Variants in SLC6A7 observed in about 807,000 individuals in gnomAD.
SLC6A7 encodes sodium-dependent proline transporter.
SLC6A7 carries 58 observed loss-of-function variants against 73.1 expected under a neutral mutation model. That is an observed-to-expected ratio of 0.79 (90% CI 0.64 to 0.99). The LOEUF is 0.99. SLC6A7 is among the 50% of genes least tolerant of loss of function. The pLI is 0.00. For missense variants in SLC6A7, 783 were observed against 831.4 expected (o/e 0.94, Z 0.72); for synonymous variants, 338 against 338.7 (o/e 1.00, Z 0.02).
chr5:150,199,174 T>A, intron 4 of SLC6A7, 54 bp from the exon 5 acceptor site: 1 of 1,519,226 alleles, frequency 6.6e-7, no homozygotes, highest in East Asian at 2.3e-5. Flanking sequence ...TGACTCCATG[T>A]CTGTGGAGCC....
rs1753537168 is a variant in SLC6A7, at chr5:150,203,903, TCA to T, written c.1201-3_1201-2del. On this transcript the variant is annotated splice_acceptor_variant and splice_polypyrimidine_tract_variant and intron_variant, in intron 9 of 13. Transcript: ENST00000230671. LOFTEE classifies it high-confidence loss of function. ...CTGACCCCCAGCCCCTCCTCTCTCC[TCA>T]GTTTGCTTTTCTGGAGACCATTGTG... 3 of 1,606,152 alleles carry T rather than the reference TCA, an allele frequency of 1.9e-6. No homozygotes were observed. The African/African-American group carries it at 4.1e-5, about 22-fold the overall frequency.
At chr5:150,200,027 T>A (rs903252246) in intron 5 of SLC6A7, among the ~76,000 whole-genome samples, 18 of 152,162 alleles carry the variant, frequency 1.2e-4, no homozygotes, top group African/African-American at 3.6e-4. Context: ...GGAATGCTTT[T>A]CTTGGCTGGG....
intron 12 of SLC6A7, 69 bp downstream of exon 12, chr5:150,204,996 G>A (rs1200762196): frequency 1.0e-5 from 10 of 995,152 alleles, no homozygotes; most frequent in African/African-American, 4.8e-5. Flanking sequence ...CCCTCTGCAC[G>A]TTCAGTCTGG....
At chr5:150,207,918 T>C (rs4705428) in intron 13 of SLC6A7, among the ~76,000 whole-genome samples, 85,974 of 151,078 alleles carry the variant, frequency 0.57, 28,188 homozygotes, top group Non-Finnish European at 0.75. Flanking sequence ...CTGGAGACAT[T>C]GTTGGTTGTC....
chr5:150,191,071 C>T (rs1418552391), intron 1 of SLC6A7, among the ~76,000 whole-genome samples: 1 of 152,146 alleles, frequency 6.6e-6, no homozygotes, highest in Non-Finnish European at 1.5e-5. Context: ...AGGGGGAATA[C>T]TGGGGGACGT....
rs1753124906 is a variant in SLC6A7 at position 150,198,034 on chromosome 5, CT to C, written c.584+761del. On this transcript the variant is annotated intron_variant, in intron 4 of 13. Coordinates refer to ENST00000230671, the MANE Select transcript of SLC6A7 (RefSeq NM_014228.5). ...ACAAAGCCTTGTCACTGCATTCTGC[CT>C]TTAAAAGAAGAAAGAGAAAGAAAGA... is the stretch of plus-strand genomic sequence containing the variant. 2.3e-5 allele frequency among the ~76,000 whole-genome samples: 3 copies of C among 130,176 alleles called. No homozygotes were observed. The Admixed American group carries it at 2.5e-4, about 11-fold the overall frequency. The allele number at this position is 130,176 out of a possible 152,430, so 85.4% of individuals were successfully genotyped here.
intron 5 of SLC6A7, among the ~76,000 whole-genome samples, chr5:150,199,993 A>G (rs1212592825): frequency 6.6e-6 from 1 of 152,180 alleles, no homozygotes; most frequent in East Asian, 1.9e-4. Context: ...CCATCCCTAA[A>G]TTAATCCCTG....
At chr5:150,202,168 C>A (rs2240786) in intron 6 of SLC6A7, among the ~76,000 whole-genome samples, 179 bp from the exon 7 acceptor site, 1 of 152,098 alleles carries the variant, frequency 6.6e-6, no homozygotes, top group East Asian at 1.9e-4. Context: ...CATGTCCCAC[C>A]GTGTAAATGT....
At position 150,210,261 on chromosome 5, in the gene SLC6A7, G is replaced by A. The variant is rs936100443; in HGVS notation, c.*646G>A. On this transcript the variant is annotated 3_prime_UTR_variant, in exon 14 of 14. Coordinates refer to ENST00000230671, the MANE Select transcript of SLC6A7 (RefSeq NM_014228.5). Reference sequence around the variant, plus strand: ...GAGAGAGGAAGAAGAGGGCAGGGTGGGGAGGAGCTCTGGGCCAGAGGATGC... The same window carrying A: ...GAGAGAGGAAGAAGAGGGCAGGGTGAGGAGGAGCTCTGGGCCAGAGGATGC... The A allele has an allele frequency of 7.3e-4, 117 of 159,914 alleles. No individual in the cohort carries two copies. The highest frequency in any genetic ancestry group is 4.1e-5 in the Non-Finnish European group (3 of 72,506). 9.9% of individuals were successfully genotyped at this position (159,914 alleles called of 1,614,324 possible). A position where few individuals can be genotyped will look rare whatever the true frequency, so the allele number is the denominator to read the frequency against.
intron 11 of SLC6A7, 78 bp downstream of exon 11, chr5:150,204,709 C>G: frequency 7.3e-7 from 1 of 1,366,042 alleles, no homozygotes; most frequent in Non-Finnish European, 1.0e-6. Context: ...GCCCCAGTAC[C>G]TGGGTCCCTG....
chr5:150,197,443 G>A (rs773655788), intron 4 of SLC6A7, among the ~76,000 whole-genome samples, 167 bp downstream of exon 4: 1 of 152,220 alleles, frequency 6.6e-6, no homozygotes, highest in African/African-American at 2.4e-5. Flanking sequence ...CAGCTGTGTG[G>A]CCTCAAACAA....
chr5:150,196,646 G>A, intron 2 of SLC6A7, 70 bp from the exon 3 acceptor site: 4 of 1,498,172 alleles, frequency 2.7e-6, no homozygotes, highest in Non-Finnish European at 3.6e-6. Context: ...CCAGGGGAGG[G>A]GCGGGGCTAG....
chr5:150,200,302 G>C (rs987401744), intron 5 of SLC6A7, among the ~76,000 whole-genome samples: 2 of 152,156 alleles, frequency 1.3e-5, no homozygotes, highest in African/African-American at 4.8e-5. Context: ...AGGCCAGCCT[G>C]GCCAACATGG....
Position 150,194,115 on chromosome 5 carries a change from G to A in SLC6A7, c.34-613G>A, listed in dbSNP as rs115930129. On this transcript the variant is annotated intron_variant, in intron 1 of 13. Coordinates refer to ENST00000230671, the MANE Select transcript of SLC6A7 (RefSeq NM_014228.5). ...GATCATCATCATGCTCTTCATCTTCGTCATCCTCATCCTCATCAAAATAGG... is the reference window on the plus strand; with the variant it reads ...GATCATCATCATGCTCTTCATCTTCATCATCCTCATCCTCATCAAAATAGG... Among the ~76,000 whole-genome samples, 8 of 152,176 alleles carry A rather than the reference G, an allele frequency of 5.3e-5. No individual in the cohort carries two copies. The East Asian group carries it at 9.6e-4, about 18-fold the overall frequency.
chr5:150,204,439 T>C (rs1753568952), intron 10 of SLC6A7, 93 bp from the exon 11 acceptor site: 8 of 974,914 alleles, frequency 8.2e-6, no homozygotes, highest in South Asian at 5.4e-5. Flanking sequence ...GCTGTCAGCA[T>C]GGCTGCTTCC....
Position 150,190,359 on chromosome 5 carries a change from A to G in SLC6A7, c.32A>G (p.Lys11Arg). 6.7e-7 allele frequency: 1 copy of G among 1,499,036 alleles called. No homozygotes were observed. The highest frequency in any genetic ancestry group is 2.4e-5 in the Admixed American group (1 of 42,102). The allele number at this position is 1,499,036 out of a possible 1,614,324, so 92.9% of individuals were successfully genotyped here. A position where few individuals can be genotyped will look rare whatever the true frequency, so the allele number is the denominator to read the frequency against. MKKLQGAHLR[K>R]PVTPDLLMTP... ...AAGCTCCAGGGAGCTCACCTCCGCA[A>G]GGTAGGGCACGAGGGCGGGGGCGCT... The change falls in exon 1 of 14, where the codon AAG becomes AGG. Residue 11 changes from lysine to arginine, a missense_variant and splice_region_variant. Transcript: ENST00000230671.
rs1369276806 is a variant in SLC6A7, at chr5:150,197,200, A to G, written c.508A>G (p.Arg170Gly). The G allele has an allele frequency of 1.2e-6, 2 of 1,613,826 alleles. No individual in the cohort carries two copies. The highest frequency in any genetic ancestry group is 1.7e-5 in the Admixed American group (1 of 60,010). The change falls in exon 4 of 14, where the codon AGA becomes GGA. Residue 170 changes from arginine to glycine, a missense_variant. Coordinates refer to ENST00000230671, the MANE Select transcript of SLC6A7 (RefSeq NM_014228.5). ...WWNTELCLEH[R>G]VSKDGNGALP... ...GAACACAGAACTCTGCCTGGAGCAC[A>G]GAGTCTCCAAGGACGGCAACGGGGC... is the stretch of plus-strand genomic sequence containing the variant.
rs574347615 is a variant in SLC6A7 at position 150,199,219 on chromosome 5, C to T, written c.585-9C>T. On this transcript the variant is annotated splice_polypyrimidine_tract_variant and intron_variant, in intron 4 of 13. Transcript: ENST00000230671. ...GACCAGGGGACACTGAGACCTTTGT[C>T]TCCCACAGCCGCTACGTCCTCCACA... The T allele has an allele frequency of 3.5e-5, 55 of 1,583,146 alleles. No homozygotes were observed. The South Asian group carries it at 5.6e-4, about 16-fold the overall frequency.
rs764057109 is a variant in SLC6A7 at position 150,209,449 on chromosome 5, C to T, written c.1745C>T (p.Ser582Leu). 9.3e-6 allele frequency: 15 copies of T among 1,614,042 alleles called. No individual in the cohort carries two copies. The highest frequency in any genetic ancestry group is 2.2e-5 in the South Asian group (2 of 91,080). Residue 582 changes from serine (S) to leucine (L), a missense_variant, in exon 14 of 14, where the codon TCG becomes TTG. Physicochemically the swap from Ser to Leu is moderately radical, Grantham distance 145. Coordinates refer to ENST00000230671, the MANE Select transcript of SLC6A7 (RefSeq NM_014228.5). ...CGGCCGGCCATGGACTGGGGACCAT[C>T]GCTGGAGGAGAACCGGACGGGCATG... ...ASRPAMDWGP[S>L]LEENRTGMYV...
Sources: gnomAD v4.1 joint callset for allele counts (sites outside exome capture counted in the v4.1 genomes callset) on GRCh38, gnomAD v4.1.1 for gene constraint, MANE v1.5 for transcripts, NCBI Gene and HGNC (gene_info 2026-07-23, HGNC 2026-07-21) for gene names.